Variants in SLC16A5 observed in about 807,000 individuals in gnomAD.
The protein encoded by SLC16A5 is monocarboxylate transporter 6.
A neutral mutation model predicts 33.2 loss-of-function variants in SLC16A5; 29 were observed. The ratio of observed to expected loss-of-function variants is 0.87; its 90% CI spans 0.65 to 1.19. SLC16A5 has a LOEUF of 1.19. Among genes scored for constraint, SLC16A5 ranks in the 50% most tolerant of loss-of-function variants. The probability of loss-of-function intolerance (pLI) is 0.00; values close to 1 mark genes in which losing one functional copy is unlikely to be tolerated. For missense variants in SLC16A5, 606 were observed against 678.2 expected, an observed-to-expected ratio of 0.89 and a Z score of 1.18; for synonymous variants, 248 against 284.1, an observed-to-expected ratio of 0.87 and a Z score of 1.28.
intron 6 of SLC16A5, 129 bp downstream of exon 6, chr17:75,104,309 G>C: frequency 6.7e-7 from 1 of 1,486,276 alleles, no homozygotes; most frequent in Non-Finnish European, 9.0e-7. Flanking sequence ...CAGGGGCTTG[G>C]GTGAAGAGTA....
chr17:75,105,349 C>T lies in SLC16A5; in HGVS notation c.1365-531C>T, dbSNP rs549214133. The T allele has an allele frequency of 8.1e-6, 8 of 985,384 alleles. No individual in the cohort carries two copies. The African/African-American group carries it at 8.7e-5, about 11-fold the overall frequency. The allele number at this position is 985,384 out of a possible 1,614,324, so 61.0% of individuals were successfully genotyped here. On this transcript the variant is annotated intron_variant, in intron 6 of 6. Transcript: ENST00000329783. ...TGGGGGAAGCCAGACATTTGACTGA[C>T]GGGAGAGGAAGGCTTGCCAGGCAGC...
intron 2 of SLC16A5, among the ~76,000 whole-genome samples, chr17:75,092,822 CGTGTGTGTGTGT>C (rs10541835): frequency 1.0e-3 from 140 of 136,092 alleles, no homozygotes; most frequent in African/African-American, 3.1e-3. Context: ...TGTGCCACTG[CGTGTGTGTGTGT>C]GTGTGTGTGT....
Position 75,103,392 on chromosome 17 carries a change from C to T in SLC16A5, c.1154-578C>T, listed in dbSNP as rs568115552. Among the ~76,000 whole-genome samples the T allele has an allele frequency of 2.8e-4, 41 of 146,458 alleles. 1 individual carries two copies. The South Asian group carries it at 6.2e-3, about 22-fold the overall frequency. On this transcript the variant is annotated intron_variant, in intron 5 of 6. Coordinates refer to ENST00000329783, the MANE Select transcript of SLC16A5 (RefSeq NM_004695.4). Reference sequence around the variant, plus strand: ...TTGCCCAGACTGGAGTGCAGTGGTACGATCTTGGTTCACTGCAACCTCTGC... The same window carrying T: ...TTGCCCAGACTGGAGTGCAGTGGTATGATCTTGGTTCACTGCAACCTCTGC...
Position 75,100,139 on chromosome 17 carries a change from C to T in SLC16A5, c.476C>T (p.Ser159Phe), listed in dbSNP as rs2073772120. The T allele has an allele frequency of 6.2e-7, 1 of 1,614,084 alleles. No homozygotes were observed. Among genetic ancestry groups the T allele is most frequent in the Non-Finnish European group, 8.5e-7 (1 of 1,180,026 alleles). Residue 159 changes from serine to phenylalanine, a missense_variant, in exon 5 of 7, where the codon TCC becomes TTC. By Grantham distance (155) the Ser-to-Phe change is radical. Transcript: ENST00000329783. ...GGCATCACCCTCTGGCCGCTGCTCT[C>T]CCGCTACCTTCTGGAGAACCTGGGC... ...SLGITLWPLL[S>F]RYLLENLGWR...
rs1354608276 is a variant in SLC16A5 at position 75,089,268 on chromosome 17, C to G, written c.-85C>G. The stretch of plus-strand genomic sequence containing the variant: ...CTCCCTGCCTGGAAGCTGCATTGCC[C>G]TTGGTCCTGGGCCTGCCTGCCCCCT... On this transcript the variant is annotated 5_prime_UTR_variant, in exon 2 of 7. Coordinates refer to ENST00000329783, the MANE Select transcript of SLC16A5 (RefSeq NM_004695.4). 6.5e-6 allele frequency: 1 copy of G among 152,810 alleles called. No individual in the cohort carries two copies. Among genetic ancestry groups the G allele is most frequent in the African/African-American group, 2.4e-5 (1 of 41,448 alleles). 9.5% of individuals were successfully genotyped at this position (152,810 alleles called of 1,614,324 possible).
intron 6 of SLC16A5, 35 bp downstream of exon 6, chr17:75,104,215 T>G: frequency 6.2e-7 from 1 of 1,607,462 alleles, no homozygotes; most frequent in Non-Finnish European, 8.5e-7. Flanking sequence ...AGGGTTCATC[T>G]GTGTGACCAG....
chr17:75,097,882 G>A (rs2073740849), intron 3 of SLC16A5, among the ~76,000 whole-genome samples, 156 bp from the exon 4 acceptor site: 1 of 152,200 alleles, frequency 6.6e-6, no homozygotes, highest in South Asian at 2.1e-4. Context: ...CAGGCCACAT[G>A]GCCAGTCCAT....
At chr17:75,090,701 C>T (rs61603964) in intron 2 of SLC16A5, among the ~76,000 whole-genome samples, 8,125 of 151,988 alleles carry the variant, frequency 0.053, 721 homozygotes, top group African/African-American at 0.18. Context: ...CCTCGTGATC[C>T]GCCTGCCTCA....
chr17:75,101,248 CAAAAA>C (rs1307198688), intron 5 of SLC16A5, among the ~76,000 whole-genome samples: 1 of 118,684 alleles, frequency 8.4e-6, no homozygotes, highest in African/African-American at 3.3e-5. Context: ...GACTCCGCCT[CAAAAA>C]GAAAAAAAAA....
At chr17:75,100,864 A>G in intron 5 of SLC16A5, 48 bp downstream of exon 5, 5 of 1,468,588 alleles carry the variant, frequency 3.4e-6, no homozygotes, top group Non-Finnish European at 4.6e-6. Context: ...TAAAAGGGGA[A>G]CAGTTTAGAC....
In SLC16A5 at chr17:75,087,976, C is replaced by A. The variant is rs1308629473; in HGVS notation, c.-271C>A. 1.3e-5 allele frequency: 2 copies of A among 152,154 alleles called. No individual in the cohort carries two copies. Among genetic ancestry groups the A allele is most frequent in the Non-Finnish European group, 2.9e-5 (2 of 68,042 alleles). 9.4% of individuals were successfully genotyped at this position (152,154 alleles called of 1,614,324 possible). A position where few individuals can be genotyped will look rare whatever the true frequency, so the allele number is the denominator to read the frequency against. On this transcript the variant is annotated 5_prime_UTR_variant, in exon 1 of 7. Transcript: ENST00000329783. ...CCCAGTCCCGCGGTCCTCGTCGCGA[C>A]CGGCCCGGGCCGCAGGACGCCGCGC...
rs2073780257 is a variant in SLC16A5, at chr17:75,100,515, C to T, written c.852C>T (p.Asn284=). 1 of 1,614,230 alleles carries T rather than the reference C, an allele frequency of 6.2e-7. No homozygotes were observed. Among genetic ancestry groups the T allele is most frequent in the Non-Finnish European group, 8.5e-7 (1 of 1,180,038 alleles). ...TCATCTCCATCATCGGCTTCAGCAA[C>T]ATCTTCCTGAGGCCCCTAGCCGGGC... The part of the protein sequence containing the change: ...ALLISIIGFS[N]IFLRPLAGLM... Residue 284 remains asparagine, a synonymous_variant, in exon 5 of 7, where the codon AAC becomes AAT. Coordinates refer to ENST00000329783, the MANE Select transcript of SLC16A5 (RefSeq NM_004695.4).
intron 6 of SLC16A5, 47 bp downstream of exon 6, chr17:75,104,227 G>A (rs2073835850): frequency 1.3e-6 from 2 of 1,599,100 alleles, no homozygotes; most frequent in South Asian, 2.2e-5. Context: ...TGTGACCAGT[G>A]TCTGAGTCCT....
intron 5 of SLC16A5, among the ~76,000 whole-genome samples, chr17:75,102,639 C>T (rs970183816): frequency 1.3e-5 from 2 of 152,010 alleles, no homozygotes; most frequent in South Asian, 2.1e-4. Flanking sequence ...CACAAGGCGG[C>T]GGTTATTAGA....
At chr17:75,096,906 G>T (rs2073727663) in intron 3 of SLC16A5, among the ~76,000 whole-genome samples, 1 of 136,916 alleles carries the variant, frequency 7.3e-6, no homozygotes, top group Non-Finnish European at 1.5e-5. Flanking sequence ...GAGCGCATCG[G>T]GTTCTGCCTC....
chr17:75,087,580 C>G (rs1344560816), upstream of SLC16A5: 1 of 152,264 alleles, frequency 6.6e-6, no homozygotes, highest in Non-Finnish European at 1.5e-5. Context: ...ATTGGAAGGG[C>G]TCCTGGGCAG....
In SLC16A5 at chr17:75,104,895, G is replaced by C. The variant is rs2073844686; in HGVS notation, c.1364+715G>C. ...CAGCCGGCTCAGCGCAGCTGGCTGT[G>C]TGTTGCTGCTCCTACAGCTCAATGC... On this transcript the variant is annotated intron_variant, in intron 6 of 6. Transcript: ENST00000329783. 6.1e-6 allele frequency: 6 copies of C among 985,344 alleles called. No individual in the cohort carries two copies. In the African/African-American group the frequency reaches 1.0e-4, roughly 17 times the overall value. The allele number at this position is 985,344 out of a possible 1,614,324, so 61.0% of individuals were successfully genotyped here. A position where few individuals can be genotyped will look rare whatever the true frequency, so the allele number is the denominator to read the frequency against.
rs1439605932 is a variant in SLC16A5, at chr17:75,103,408, C to T, written c.1154-562C>T. ...GCAGTGGTACGATCTTGGTTCACTG[C>T]AACCTCTGCCATCCAGGTTCAAGTG... is the stretch of plus-strand genomic sequence containing the variant. On this transcript the variant is annotated intron_variant, in intron 5 of 6. Transcript: ENST00000329783. Among the ~76,000 whole-genome samples, 8 of 150,708 alleles carry T rather than the reference C, an allele frequency of 5.3e-5. No homozygotes were observed. In the Admixed American group the frequency reaches 5.3e-4, roughly 10 times the overall value.
chr17:75,099,836 A>G, intron 4 of SLC16A5, 171 bp from the exon 5 acceptor site: 1 of 638,930 alleles, frequency 1.6e-6, no homozygotes, highest in Non-Finnish European at 2.7e-6. Context: ...GGGTGCCTAC[A>G]GGGAGGTGGC....
Sources: allele counts gnomAD v4.1 joint callset (sites outside exome capture counted in the v4.1 genomes callset), GRCh38; gene constraint gnomAD v4.1.1; transcripts MANE v1.5; gene names NCBI Gene and HGNC (gene_info 2026-07-23, HGNC 2026-07-21).